Variants in EGFL8 observed in about 807,000 individuals in gnomAD.
The protein encoded by EGFL8 is epidermal growth factor-like protein 8.
EGFL8 carries 32 observed loss-of-function variants against 39.4 expected under a neutral mutation model. The ratio of observed to expected loss-of-function variants is 0.81; its 90% CI spans 0.61 to 1.09. The LOEUF (loss-of-function observed/expected upper bound fraction) is 1.09. Ranked by LOEUF, EGFL8 falls within the 50% of genes least tolerant of loss-of-function variation. The pLI, the probability that EGFL8 is intolerant of heterozygous loss-of-function variation, is 0.00. For missense variants in EGFL8, 385 were observed against 402.2 expected (o/e 0.96, Z 0.37); for synonymous variants, 177 against 168.5 (o/e 1.05, Z -0.39).
Position 32,167,449 on chromosome 6 carries a change from T to C in EGFL8, c.681+20T>C, listed in dbSNP as rs769160600. The C allele has an allele frequency of 6.2e-7, 1 of 1,612,234 alleles. No homozygotes were observed. The highest frequency in any genetic ancestry group is 1.3e-5 in the African/African-American group (1 of 74,930). The stretch of plus-strand genomic sequence containing the variant: ...GAGCAGGTGAGCCAAGCCTGCTGGG[T>C]GGGGCGAGGCCAGACGTCACTGTCA... On this transcript the variant is annotated intron_variant, in intron 7 of 8. Coordinates refer to ENST00000333845, the MANE Select transcript of EGFL8 (RefSeq NM_030652.4). This position sits in a 1 kb window ranked among gnomAD's most constrained non-coding sequence, Gnocchi z 6.4.
Position 32,167,762 on chromosome 6 carries a change from C to T in EGFL8, c.835+106C>T. 6.5e-7 allele frequency: 1 copy of T among 1,527,810 alleles called. No individual in the cohort carries two copies. Among genetic ancestry groups the T allele is most frequent in the East Asian group, 2.3e-5 (1 of 44,084 alleles). 94.6% of individuals were successfully genotyped at this position (1,527,810 alleles called of 1,614,324 possible). ...TTCCTCCAAGCCCCTCTCCAACATTCACTATCCTCATGCCTCTCCACTTTA... is the reference window on the plus strand; with the variant it reads ...TTCCTCCAAGCCCCTCTCCAACATTTACTATCCTCATGCCTCTCCACTTTA... On this transcript the variant is annotated intron_variant, in intron 8 of 8. Coordinates refer to ENST00000333845, the MANE Select transcript of EGFL8 (RefSeq NM_030652.4). The surrounding 1 kb of genome is among the most constrained non-coding windows in gnomAD (Gnocchi z 6.4).
In EGFL8 at chr6:32,167,352, CG is replaced by C. The variant is rs778824066; in HGVS notation, c.607del (p.Glu203ArgfsTer9). On this transcript the variant is annotated frameshift_variant, in exon 7 of 9. Coordinates refer to ENST00000333845, the MANE Select transcript of EGFL8 (RefSeq NM_030652.4). LOFTEE classifies it high-confidence loss of function. This position sits in a 1 kb window ranked among gnomAD's most constrained non-coding sequence, Gnocchi z 6.4. Reference sequence around the variant, plus strand: ...CTCTTGGTCTCCTTTGTCCCTAGTTCGGGAGGCGGAAAAAGATGAGCGCGCT... The same window carrying C: ...CTCTTGGTCTCCTTTGTCCCTAGTTCGGAGGCGGAAAAAGATGAGCGCGCT... ...TSASILSVAVREAEKDERALK... is the reference protein window; with the variant it reads ...TSASILSVAVXEAEKDERALK... 78 of 1,612,914 alleles carry C rather than the reference CG, an allele frequency of 4.8e-5. No individual in the cohort carries two copies. The highest frequency in any genetic ancestry group is 6.4e-5 in the Non-Finnish European group (75 of 1,180,032).
Position 32,167,084 on chromosome 6 carries a change from T to C in EGFL8, c.431-3T>C, listed in dbSNP as rs1196702063. ...TCAGCCCCTTCCTTTTTTCGGTAACTAGACGTGGATGAATGTAGGACCAGC... is the reference window on the plus strand; with the variant it reads ...TCAGCCCCTTCCTTTTTTCGGTAACCAGACGTGGATGAATGTAGGACCAGC... On this transcript the variant is annotated splice_region_variant and splice_polypyrimidine_tract_variant and intron_variant, in intron 5 of 8. Transcript: ENST00000333845. The surrounding 1 kb of genome is among the most constrained non-coding windows in gnomAD (Gnocchi z 6.4). The C allele has an allele frequency of 1.2e-6, 2 of 1,613,074 alleles. No individual in the cohort carries two copies.
chr6:32,167,913 C>T lies in EGFL8; in HGVS notation c.839C>T (p.Ser280Phe). Residue 280 changes from serine to phenylalanine, a missense_variant, in exon 9 of 9, where the codon TCC becomes TTC. Transcript: ENST00000333845. This position sits in a 1 kb window ranked among gnomAD's most constrained non-coding sequence, Gnocchi z 6.4. ...LLLEERLGAC[S>F]CEDNSLGLGV... ...TGTCTGCCATGTCATTAACCAGGCT[C>T]CTGTGAGGACAACAGCCTGGGCCTC... 4 of 1,614,198 alleles carry T rather than the reference C, an allele frequency of 2.5e-6. No individual in the cohort carries two copies. The highest frequency in any genetic ancestry group is 3.4e-6 in the Non-Finnish European group (4 of 1,179,996).
At position 32,166,988 on chromosome 6, in the gene EGFL8, G is replaced by A; in HGVS notation, c.413G>A (p.Gly138Glu). 6.2e-7 allele frequency: 1 copy of A among 1,613,086 alleles called. No individual in the cohort carries two copies. The highest frequency in any genetic ancestry group is 8.5e-7 in the Non-Finnish European group (1 of 1,180,002). Residue 138 changes from glycine to glutamate, a missense_variant, in exon 5 of 9, where the codon GGG (glycine) becomes GAG (glutamate). Coordinates refer to ENST00000333845, the MANE Select transcript of EGFL8 (RefSeq NM_030652.4). This position sits in a 1 kb window ranked among gnomAD's most constrained non-coding sequence, Gnocchi z 7.3. ...TGCGAGTGCGCCCCCGGCTGGGGAG[G>A]GAAGCACTGTCATGTGGGTGAGTCA... Reference protein sequence around the residue: ...DQCECAPGWGGKHCHVDVDEC... With the variant: ...DQCECAPGWGEKHCHVDVDEC...
At position 32,167,742 on chromosome 6, in the gene EGFL8, C is replaced by T; in HGVS notation, c.835+86C>T. 1.6e-5 allele frequency: 24 copies of T among 1,547,308 alleles called. No homozygotes were observed. Among genetic ancestry groups the T allele is most frequent in the Non-Finnish European group, 2.1e-5 (24 of 1,141,202 alleles). ...TCCATTCAGGCATTCCCTCTTTCCTCCAAGCCCCTCTCCAACATTCACTAT... is the reference window on the plus strand; with the variant it reads ...TCCATTCAGGCATTCCCTCTTTCCTTCAAGCCCCTCTCCAACATTCACTAT... On this transcript the variant is annotated intron_variant, in intron 8 of 8. Coordinates refer to ENST00000333845, the MANE Select transcript of EGFL8 (RefSeq NM_030652.4). The surrounding 1 kb of genome is among the most constrained non-coding windows in gnomAD (Gnocchi z 6.4).
At position 32,167,260 on chromosome 6, in the gene EGFL8, G is replaced by C. The variant is rs899302670; in HGVS notation, c.601+3G>C. ...TGCCAGCATACTCAGCGTGGCCGGT[G>C]AGTGGGCAGGAGTACGGGCCACCCG... On this transcript the variant is annotated splice_donor_region_variant and intron_variant, in intron 6 of 8. Transcript: ENST00000333845. This position sits in a 1 kb window ranked among gnomAD's most constrained non-coding sequence, Gnocchi z 6.4. 6.2e-7 allele frequency: 1 copy of C among 1,611,684 alleles called. No homozygotes were observed.
At position 32,164,698 on chromosome 6, in the gene EGFL8, T is replaced by C; in HGVS notation, c.-29+41T>C. ...GAGAGGAAGGCAAGTGGGGAGAGAATTTCAAATGGGGAAAGAGTGGGGTTT... is the reference window on the plus strand; with the variant it reads ...GAGAGGAAGGCAAGTGGGGAGAGAACTTCAAATGGGGAAAGAGTGGGGTTT... On this transcript the variant is annotated intron_variant, in intron 1 of 8. Transcript: ENST00000333845. This position sits in a 1 kb window ranked among gnomAD's most constrained non-coding sequence, Gnocchi z 5.4. 1.4e-6 allele frequency: 1 copy of C among 713,048 alleles called. No individual in the cohort carries two copies. The highest frequency in any genetic ancestry group is 1.5e-5 in the South Asian group (1 of 67,512). The allele number at this position is 713,048 out of a possible 1,614,324, so 44.2% of individuals were successfully genotyped here. A position where few individuals can be genotyped will look rare whatever the true frequency, so the allele number is the denominator to read the frequency against.
chr6:32,165,974 T>C, intron 1 of EGFL8, 164 bp from the exon 2 acceptor site: 1 of 639,994 alleles, frequency 1.6e-6, no homozygotes, highest in Non-Finnish European at 2.8e-6. Flanking sequence ...GACAGGATAG[T>C]GTTGGGTTGT....
Position 32,167,185 on chromosome 6 carries a change from G to C in EGFL8, c.529G>C (p.Gly177Arg). 3.1e-6 allele frequency: 5 copies of C among 1,613,028 alleles called. No individual in the cohort carries two copies. The highest frequency in any genetic ancestry group is 4.2e-6 in the Non-Finnish European group (5 of 1,180,032). The change falls in exon 6 of 9, where the codon GGC becomes CGC. Residue 177 changes from glycine to arginine, a missense_variant. Coordinates refer to ENST00000333845, the MANE Select transcript of EGFL8 (RefSeq NM_030652.4). This position sits in a 1 kb window ranked among gnomAD's most constrained non-coding sequence, Gnocchi z 6.4. The stretch of plus-strand genomic sequence containing the variant: ...CGGCTGCCCCCATGACCTAGTGCTA[G>C]GCGTGGACGGGCGCACCTGCATGGA... ...TCGCPHDLVL[G>R]VDGRTCMEGS...
In EGFL8 at chr6:32,167,769, C is replaced by T. The variant is rs1269896290; in HGVS notation, c.835+113C>T. On this transcript the variant is annotated intron_variant, in intron 8 of 8. Coordinates refer to ENST00000333845, the MANE Select transcript of EGFL8 (RefSeq NM_030652.4). This position sits in a 1 kb window ranked among gnomAD's most constrained non-coding sequence, Gnocchi z 6.4. ...AAGCCCCTCTCCAACATTCACTATC[C>T]TCATGCCTCTCCACTTTACCATCGT... 1 of 1,519,636 alleles carries T rather than the reference C, an allele frequency of 6.6e-7. No homozygotes were observed. The allele number at this position is 1,519,636 out of a possible 1,614,324, so 94.1% of individuals were successfully genotyped here. A position where few individuals can be genotyped will look rare whatever the true frequency, so the allele number is the denominator to read the frequency against.
rs573035821 is a variant in EGFL8 at position 32,166,121 on chromosome 6, C to T, written c.-28-17C>T. ...AGGAGAGGGGACGGGCATCCATTAA[C>T]CTTTTCTTGCCTGCAGCCTGTAGGG... is the stretch of plus-strand genomic sequence containing the variant. On this transcript the variant is annotated splice_polypyrimidine_tract_variant and intron_variant, in intron 1 of 8. Coordinates refer to ENST00000333845, the MANE Select transcript of EGFL8 (RefSeq NM_030652.4). This position sits in a 1 kb window ranked among gnomAD's most constrained non-coding sequence, Gnocchi z 7.3. 5 of 1,603,152 alleles carry T rather than the reference C, an allele frequency of 3.1e-6. No homozygotes were observed. The highest frequency in any genetic ancestry group is 1.1e-5 in the South Asian group (1 of 90,856).
chr6:32,166,389 G>T lies in EGFL8; in HGVS notation c.102-109G>T. The T allele has an allele frequency of 1.3e-6, 2 of 1,596,178 alleles. No homozygotes were observed. Among genetic ancestry groups the T allele is most frequent in the Non-Finnish European group, 1.7e-6 (2 of 1,166,432 alleles). On this transcript the variant is annotated intron_variant, in intron 2 of 8. Coordinates refer to ENST00000333845, the MANE Select transcript of EGFL8 (RefSeq NM_030652.4). The surrounding 1 kb of genome is among the most constrained non-coding windows in gnomAD (Gnocchi z 7.3). The stretch of plus-strand genomic sequence containing the variant: ...GAATGGGGGTGAGAGGCTGTCATCT[G>T]GAGGGAGAGCGGGGGGCCTCAGTAG...
Position 32,167,933 on chromosome 6 carries a change from G to C in EGFL8, c.859G>C (p.Gly287Arg), listed in dbSNP as rs199544172. Residue 287 changes from glycine to arginine, a missense_variant, in exon 9 of 9, where the codon GGC (glycine) becomes CGC (arginine). Coordinates refer to ENST00000333845, the MANE Select transcript of EGFL8 (RefSeq NM_030652.4). This position sits in a 1 kb window ranked among gnomAD's most constrained non-coding sequence, Gnocchi z 6.4. ...AGGCTCCTGTGAGGACAACAGCCTG[G>C]GCCTCGGCGTCAATCATCGATAAGA... ...GACSCEDNSL[G>R]LGVNHR The C allele has an allele frequency of 4.8e-5, 78 of 1,614,108 alleles. No homozygotes were observed. The highest frequency in any genetic ancestry group is 8.5e-7 in the Non-Finnish European group (1 of 1,180,032).
Position 32,166,557 on chromosome 6 carries a change from G to A in EGFL8, c.161G>A (p.Ser54Asn). The A allele has an allele frequency of 6.2e-7, 1 of 1,614,128 alleles. No individual in the cohort carries two copies. Among genetic ancestry groups the A allele is most frequent in the Admixed American group, 1.7e-5 (1 of 60,028 alleles). The change falls in exon 3 of 9, where the codon AGC (serine) becomes AAC (asparagine). Residue 54 changes from serine to asparagine, a missense_variant. Transcript: ENST00000333845. This position sits in a 1 kb window ranked among gnomAD's most constrained non-coding sequence, Gnocchi z 7.3. ...VVPLHYNESY[S>N]QPVYKPYLTL... is the part of the protein sequence containing the mutation. ...CCGCTCCACTACAACGAGTCCTACA[G>A]CCAACCAGTGTACAAGCCCTACCTG... is the stretch of plus-strand genomic sequence containing the variant.
rs1784559656 is a variant in EGFL8 at position 32,166,989 on chromosome 6, G to T, written c.414G>T (p.Gly138=). ...GCGAGTGCGCCCCCGGCTGGGGAGG[G>T]AAGCACTGTCATGTGGGTGAGTCAG... The part of the protein sequence containing the change: ...DQCECAPGWG[G]KHCHVDVDEC... The change falls in exon 5 of 9, where the codon GGG becomes GGT. Residue 138 remains glycine (G), a synonymous_variant. Transcript: ENST00000333845. The surrounding 1 kb of genome is among the most constrained non-coding windows in gnomAD (Gnocchi z 7.3). The T allele has an allele frequency of 6.2e-7, 1 of 1,612,982 alleles. No homozygotes were observed. Among genetic ancestry groups the T allele is most frequent in the African/African-American group, 1.3e-5 (1 of 74,942 alleles).
Position 32,168,060 on chromosome 6 carries a change from A to G in EGFL8, c.*104A>G. Reference sequence around the variant, plus strand: ...GCTGCAGATAAGGCTATCAGCCACCAAAGAGCAATGAACAATGGAAACTTC... The same window carrying G: ...GCTGCAGATAAGGCTATCAGCCACCGAAGAGCAATGAACAATGGAAACTTC... On this transcript the variant is annotated 3_prime_UTR_variant, in exon 9 of 9. Coordinates refer to ENST00000333845, the MANE Select transcript of EGFL8 (RefSeq NM_030652.4). This position sits in a 1 kb window ranked among gnomAD's most constrained non-coding sequence, Gnocchi z 4.5. 2 of 1,201,180 alleles carry G rather than the reference A, an allele frequency of 1.7e-6. No individual in the cohort carries two copies. Among genetic ancestry groups the G allele is most frequent in the South Asian group, 2.5e-5 (2 of 80,852 alleles). The allele number at this position is 1,201,180 out of a possible 1,614,324, so 74.4% of individuals were successfully genotyped here. A position where few individuals can be genotyped will look rare whatever the true frequency, so the allele number is the denominator to read the frequency against.
chr6:32,166,013 T>C lies in EGFL8; in HGVS notation c.-28-125T>C. 1.4e-6 allele frequency: 1 copy of C among 712,666 alleles called. No homozygotes were observed. The highest frequency in any genetic ancestry group is 1.6e-5 in the South Asian group (1 of 62,372). 44.1% of individuals were successfully genotyped at this position (712,666 alleles called of 1,614,324 possible). A position where few individuals can be genotyped will look rare whatever the true frequency, so the allele number is the denominator to read the frequency against. ...CACAGGTGTAGGCAATCCTGGTGGC[T>C]AGTATGTAAAAGTGAATGTCCTGAC... On this transcript the variant is annotated intron_variant, in intron 1 of 8. Coordinates refer to ENST00000333845, the MANE Select transcript of EGFL8 (RefSeq NM_030652.4). The surrounding 1 kb of genome is among the most constrained non-coding windows in gnomAD (Gnocchi z 7.3).
rs759930687 is a variant in EGFL8 at position 32,167,299 on chromosome 6, G to A, written c.601+42G>A. On this transcript the variant is annotated intron_variant, in intron 6 of 8. Transcript: ENST00000333845. The surrounding 1 kb of genome is among the most constrained non-coding windows in gnomAD (Gnocchi z 6.4). ...ACGGGCCACCCGAGGGACTCGGGAC[G>A]GGCGTCCGGGCTCGGGTAGTGGTCA... The A allele has an allele frequency of 1.9e-5, 31 of 1,612,224 alleles. No individual in the cohort carries two copies. The highest frequency in any genetic ancestry group is 2.5e-5 in the Non-Finnish European group (30 of 1,179,632).
Sources: gnomAD v4.1 joint callset for allele counts on GRCh38, gnomAD v4.1.1 for gene constraint, Gnocchi (gnomAD v3.1) non-coding constraint, MANE v1.5 for transcripts, NCBI Gene and HGNC (gene_info 2026-07-23, HGNC 2026-07-21) for gene names.